Variants in JADE1 observed in about 807,000 individuals in gnomAD.
JADE1 encodes the protein protein Jade-1.
A neutral mutation model predicts 81.8 loss-of-function variants in JADE1; 14 were observed. The ratio of observed to expected loss-of-function variants is 0.17; its 90% CI spans 0.11 to 0.27. The LOEUF (loss-of-function observed/expected upper bound fraction) is 0.27, where lower values mean the gene tolerates loss of function less well. JADE1 is among the 10% of genes least tolerant of loss of function. The probability of loss-of-function intolerance (pLI) is 1.00; values close to 1 mark genes in which losing one functional copy is unlikely to be tolerated. For missense variants in JADE1, 690 were observed against 1,047.9 expected (o/e 0.66, Z 4.71); for synonymous variants, 353 against 391.9 (o/e 0.90, Z 1.17).
At chr4:128,860,926 C>T (rs1273314164) in intron 8 of JADE1, among the ~76,000 whole-genome samples, 2 of 152,096 alleles carry the variant, frequency 1.3e-5, no homozygotes, top group Admixed American at 1.3e-4. Context: ...GAAGCTTCTT[C>T]GCAAGTGTGA....
intron 1 of JADE1, among the ~76,000 whole-genome samples, chr4:128,824,624 A>G (rs1727881875): frequency 6.6e-6 from 1 of 152,226 alleles, no homozygotes; most frequent in African/African-American, 2.4e-5. Flanking sequence ...AAGTAAAAGC[A>G]TCTCAAATTC....
At position 128,857,409 on chromosome 4, in the gene JADE1, G is replaced by A. The variant is rs907816835; in HGVS notation, c.936G>A (p.Ala312=). ...CACACATTCCCAGCAGCCGGTGGGC[G>A]CTAGTGTGCAGCCTCTGCAATGAGA... ...KVSHIPSSRW[A]LVCSLCNEKF... The change falls in exon 8 of 11, where the codon GCG becomes GCA. Residue 312 remains alanine, a synonymous_variant. Coordinates refer to ENST00000226319, the MANE Select transcript of JADE1 (RefSeq NM_199320.4). The A allele has an allele frequency of 5.0e-6, 8 of 1,614,150 alleles. No homozygotes were observed. The highest frequency in any genetic ancestry group is 2.2e-5 in the East Asian group (1 of 44,870).
At chr4:128,849,436 C>G (rs928195013) in intron 5 of JADE1, among the ~76,000 whole-genome samples, 1 of 152,194 alleles carries the variant, frequency 6.6e-6, no homozygotes. Context: ...CATTCACTTA[C>G]CTTAAGGAAG....
chr4:128,812,206 GAGA>G (rs1726493020), intron 1 of JADE1, among the ~76,000 whole-genome samples: 1 of 152,168 alleles, frequency 6.6e-6, no homozygotes, highest in African/African-American at 2.4e-5. Context: ...GTTGCGCCAC[GAGA>G]AGGTGTCATC....
At chr4:128,859,209 G>GGT (rs938026061) in intron 8 of JADE1, among the ~76,000 whole-genome samples, 1 of 150,902 alleles carries the variant, frequency 6.6e-6, no homozygotes, top group Non-Finnish European at 1.5e-5. Context: ...TGTGTGTATG[G>GGT]GTGTGTGTGT....
intron 1 of JADE1, among the ~76,000 whole-genome samples, chr4:128,813,494 C>G (rs1248043111): frequency 6.7e-6 from 1 of 148,930 alleles, no homozygotes; most frequent in Admixed American, 6.7e-5. Flanking sequence ...TCTTAGCTCA[C>G]TGCAACCTCC....
chr4:128,845,227 C>A (rs1377794264), intron 3 of JADE1, among the ~76,000 whole-genome samples: 1 of 152,166 alleles, frequency 6.6e-6, no homozygotes, highest in Non-Finnish European at 1.5e-5. Flanking sequence ...GCCTCACTGA[C>A]CAAGGATGAA....
chr4:128,843,425 A>T (rs1729615541), intron 3 of JADE1, among the ~76,000 whole-genome samples: 1 of 152,144 alleles, frequency 6.6e-6, no homozygotes, highest in South Asian at 2.1e-4. Context: ...GCCTCAAGTT[A>T]GTTTTAGCCA....
intron 4 of JADE1, among the ~76,000 whole-genome samples, chr4:128,847,293 A>G (rs1729949658): frequency 6.6e-6 from 1 of 152,156 alleles, no homozygotes; most frequent in African/African-American, 2.4e-5. Flanking sequence ...TGCTTTGCGA[A>G]ATAGTGTCTT....
chr4:128,862,879 A>C, intron 9 of JADE1: 1 of 985,776 alleles, frequency 1.0e-6, no homozygotes, highest in Non-Finnish European at 1.2e-6. Context: ...GTGAGGTGCT[A>C]AGTCATCACT....
intron 6 of JADE1, among the ~76,000 whole-genome samples, chr4:128,854,992 A>G (rs1167082986): frequency 6.6e-6 from 1 of 152,148 alleles, no homozygotes; most frequent in African/African-American, 2.4e-5. Flanking sequence ...TAAGGAGACG[A>G]CATTCTTCCT....
intron 3 of JADE1, among the ~76,000 whole-genome samples, chr4:128,844,135 G>GATGTTCACAC (rs751856358): frequency 1.4e-4 from 21 of 152,068 alleles, no homozygotes; most frequent in Non-Finnish European, 2.9e-4. Flanking sequence ...TGCTGTGTCT[G>GATGTTCACAC]TAACCCCCAA....
Position 128,871,759 on chromosome 4 carries a change from A to C in JADE1, c.2026A>C (p.Lys676Gln). The C allele has an allele frequency of 6.2e-7, 1 of 1,614,176 alleles. No homozygotes were observed. Among genetic ancestry groups the C allele is most frequent in the Non-Finnish European group, 8.5e-7 (1 of 1,180,028 alleles). The change falls in exon 11 of 11, where the codon AAA (lysine) becomes CAA (glutamine). Residue 676 changes from lysine (K) to glutamine (Q), a missense_variant. By Grantham distance (53) the Lys-to-Gln change is moderately conservative. Around this residue, in one of 8 missense-constraint regions of JADE1, gnomAD observed 218 missense variants for 274.3 expected, o/e 0.79. Coordinates refer to ENST00000226319, the MANE Select transcript of JADE1 (RefSeq NM_199320.4). The surrounding 1 kb of genome is among the most constrained non-coding windows in gnomAD (Gnocchi z 4.1). Reference sequence around the variant, plus strand: ...TCTCATTAAAGGAGACTTAAAGGACAAATCTTTTAAACAGAGTCACAAGCC... The same window carrying C: ...TCTCATTAAAGGAGACTTAAAGGACCAATCTTTTAAACAGAGTCACAAGCC... ...CDLIKGDLKD[K>Q]SFKQSHKPLR... is the part of the protein sequence containing the mutation.
chr4:128,849,837 C>T (rs554988909), intron 5 of JADE1, among the ~76,000 whole-genome samples: 8 of 152,176 alleles, frequency 5.3e-5, no homozygotes, highest in African/African-American at 1.9e-4. Context: ...CATGCCAGTC[C>T]TGATTGCTAA....
chr4:128,815,445 G>A (rs567135826), intron 1 of JADE1, among the ~76,000 whole-genome samples: 5 of 152,290 alleles, frequency 3.3e-5, no homozygotes, highest in African/African-American at 1.2e-4. Flanking sequence ...GAGGAGGCAA[G>A]CCTTTGGAAA....
At chr4:128,863,130 G>C in intron 9 of JADE1, 1 of 985,624 alleles carries the variant, frequency 1.0e-6, no homozygotes, top group Non-Finnish European at 1.2e-6. Context: ...TGCTGCTTTT[G>C]TGCCTCCCCC....
intron 2 of JADE1, among the ~76,000 whole-genome samples, chr4:128,838,973 A>C (rs928461268): frequency 6.6e-6 from 1 of 152,232 alleles, no homozygotes; most frequent in Non-Finnish European, 1.5e-5. Flanking sequence ...CCTTGAGCTC[A>C]AACGCATGTC....
At chr4:128,813,346 C>T (rs1726657515) in intron 1 of JADE1, among the ~76,000 whole-genome samples, 1 of 151,244 alleles carries the variant, frequency 6.6e-6, no homozygotes, top group African/African-American at 2.4e-5. Flanking sequence ...CAAGTACATG[C>T]AACCCAGAAT....
intron 9 of JADE1, chr4:128,863,564 C>G: frequency 1.0e-6 from 1 of 985,394 alleles, no homozygotes; most frequent in Non-Finnish European, 1.2e-6. Context: ...TTGTGATGCC[C>G]CTTCCCAGAC....
Sources: allele counts gnomAD v4.1 joint callset (sites outside exome capture counted in the v4.1 genomes callset), GRCh38; gene constraint gnomAD v4.1.1; regional missense constraint gnomAD v4.1.1; non-coding constraint Gnocchi (gnomAD v3.1); transcripts MANE v1.5; gene names NCBI Gene and HGNC (gene_info 2026-07-23, HGNC 2026-07-21).